The following EPG5 variants were observed in gnomAD, a reference collection of about 807,000 sequenced individuals.
EPG5 encodes ectopic P granules protein 5 homolog.
A neutral mutation model predicts 302.7 loss-of-function variants in EPG5; 159 were observed. That is an observed-to-expected ratio of 0.53 (90% CI 0.46 to 0.60). The LOEUF is 0.60. EPG5 is among the 20% of genes least tolerant of loss of function. The pLI is 0.00. For synonymous variants in EPG5, 1,158 were observed against 1,136.8 expected, an observed-to-expected ratio of 1.02 and a Z score of -0.37; for missense variants, 2,896 against 3,092.4, an observed-to-expected ratio of 0.94 and a Z score of 1.51.
At chr18:45,802,240 G>A in the EPG5 span, among the ~76,000 whole-genome samples, 19 of 152,180 alleles carry the variant, frequency 1.2e-4, no homozygotes, top group Non-Finnish European at 2.6e-4. Context: ...TCTGGTTCAG[G>A]CTAGGCATGG....
intron 14 of EPG5, among the ~76,000 whole-genome samples, chr18:45,924,540 GCCA>G (rs1318467159): frequency 6.6e-6 from 1 of 152,240 alleles, no homozygotes; most frequent in African/African-American, 2.4e-5. Flanking sequence ...GGCTGAGTTT[GCCA>G]CCATTTTCCC....
At chr18:45,932,141 G>GA (rs896384676) in intron 11 of EPG5, among the ~76,000 whole-genome samples, 1 of 150,330 alleles carries the variant, frequency 6.7e-6, no homozygotes, top group Admixed American at 6.6e-5. Context: ...TATTTAAAAA[G>GA]AAAAAAAAGA....
In EPG5 at chr18:45,887,793, T is replaced by C. The variant is rs753267862; in HGVS notation, c.5067A>G (p.Pro1689=). The C allele has an allele frequency of 3.1e-6, 5 of 1,597,780 alleles. No individual in the cohort carries two copies. The highest frequency in any genetic ancestry group is 1.1e-5 in the South Asian group (1 of 89,762). Residue 1689 remains proline, a synonymous_variant, in exon 29 of 44, where the codon CCA becomes CCG. Coordinates refer to ENST00000282041, the MANE Select transcript of EPG5 (RefSeq NM_020964.3). ...TACATGAAGTAAAGAACTGCCTTGTTGGGGGATGACGCTGCGTCTCATCGC... is the reference window on the plus strand; with the variant it reads ...TACATGAAGTAAAGAACTGCCTTGTCGGGGGATGACGCTGCGTCTCATCGC... ...YVSDETQRHP[P]TRQFFTSCIE... is the part of the protein sequence containing the mutation.
At chr18:45,895,727 T>C (rs994109970) in intron 27 of EPG5, among the ~76,000 whole-genome samples, 4 of 152,196 alleles carry the variant, frequency 2.6e-5, no homozygotes, top group African/African-American at 9.6e-5. Flanking sequence ...AACATAGCCA[T>C]GAGGTGGTCA....
chr18:45,858,188 T>G, intron 41 of EPG5, 120 bp from the exon 42 acceptor site: 1 of 738,510 alleles, frequency 1.4e-6, no homozygotes, highest in Admixed American at 2.5e-5. Context: ...AAGCACAGGC[T>G]AACGGCTGAT....
chr18:45,926,455 C>T (rs925053251), intron 13 of EPG5, among the ~76,000 whole-genome samples: 2 of 152,082 alleles, frequency 1.3e-5, no homozygotes, highest in Non-Finnish European at 1.5e-5. Flanking sequence ...AAATAATCCA[C>T]AATAAAAAAT....
intron 43 of EPG5, 161 bp downstream of exon 43, chr18:45,855,412 C>T (rs1285189485): frequency 1.3e-5 from 7 of 556,056 alleles, no homozygotes; most frequent in Non-Finnish European, 2.2e-5. Context: ...TGGAGGTTGG[C>T]ACATGAAACC....
Position 45,907,937 on chromosome 18 carries a change from AAAG to A in EPG5, c.4329+18_4329+20del. 1 of 1,543,670 alleles carries A rather than the reference AAAG, an allele frequency of 6.5e-7. No individual in the cohort carries two copies. The highest frequency in any genetic ancestry group is 8.6e-7 in the Non-Finnish European group (1 of 1,157,784). The stretch of plus-strand genomic sequence containing the variant: ...AGATATGCTAAAAAAAAAAAAAAAA[AAAG>A]GAGGGCTATAATTTCACCTGCTGAT... On this transcript the variant is annotated intron_variant, in intron 24 of 43. Coordinates refer to ENST00000282041, the MANE Select transcript of EPG5 (RefSeq NM_020964.3).
Position 45,851,976 on chromosome 18 carries a change from G to GT in EPG5, c.*490dup, listed in dbSNP as rs2145143035. ...AGAAAAACAATACTTTAAAACTATT[G>GT]TATTTGTCCACATTTGAGAAATGCA... On this transcript the variant is annotated 3_prime_UTR_variant, in exon 44 of 44. Coordinates refer to ENST00000282041, the MANE Select transcript of EPG5 (RefSeq NM_020964.3). The GT allele has an allele frequency of 6.6e-6, 1 of 152,604 alleles. No individual in the cohort carries two copies. The highest frequency in any genetic ancestry group is 1.9e-4 in the East Asian group (1 of 5,196). 9.5% of individuals were successfully genotyped at this position (152,604 alleles called of 1,614,324 possible). A position where few individuals can be genotyped will look rare whatever the true frequency, so the allele number is the denominator to read the frequency against.
chr18:45,936,507 C>A (rs58306126), intron 10 of EPG5, among the ~76,000 whole-genome samples: 24,104 of 152,008 alleles, frequency 0.16, 2,771 homozygotes, highest in East Asian at 0.29. Context: ...GCGGGCAAAT[C>A]ACTTGAGGTC....
chr18:45,919,703 G>T (rs1274165037), intron 16 of EPG5, among the ~76,000 whole-genome samples: 1 of 151,854 alleles, frequency 6.6e-6, no homozygotes, highest in East Asian at 1.9e-4. Context: ...TAGTAGAGAC[G>T]GGGTTTCACC....
chr18:45,940,464 G>A lies in EPG5; in HGVS notation c.1944-709C>T, dbSNP rs772917470. On this transcript the variant is annotated intron_variant, in intron 9 of 43. Transcript: ENST00000282041. ...ACTGAGGTGGGGAAAGGGCAGAAGCGGGTGGTGGGCAAAGTCAGAAGCAGG... is the reference window on the plus strand; with the variant it reads ...ACTGAGGTGGGGAAAGGGCAGAAGCAGGTGGTGGGCAAAGTCAGAAGCAGG... 3.3e-5 allele frequency among the ~76,000 whole-genome samples: 5 copies of A among 151,890 alleles called. No individual in the cohort carries two copies. In the East Asian group the frequency reaches 5.8e-4, roughly 18 times the overall value.
intron 24 of EPG5, 96 bp downstream of exon 24, chr18:45,907,862 C>T: frequency 1.6e-6 from 2 of 1,228,424 alleles, no homozygotes; most frequent in South Asian, 3.4e-5. Flanking sequence ...TACCCATTTT[C>T]TTATCAATAA....
At chr18:45,947,637 A>G (rs888717631) in intron 6 of EPG5, among the ~76,000 whole-genome samples, 1 of 152,154 alleles carries the variant, frequency 6.6e-6, no homozygotes, top group Non-Finnish European at 1.5e-5. Context: ...CAGCTCCCGC[A>G]CACACCTTTG....
At position 45,910,540 on chromosome 18, in the gene EPG5, G is replaced by A. The variant is rs2049867434; in HGVS notation, c.4186C>T (p.Leu1396=). 1.9e-6 allele frequency: 3 copies of A among 1,611,686 alleles called. No individual in the cohort carries two copies. The highest frequency in any genetic ancestry group is 3.3e-5 in the Admixed American group (2 of 59,740). Residue 1396 remains leucine (L), a synonymous_variant, in exon 23 of 44, where the codon CTG becomes TTG. Transcript: ENST00000282041. ...ACTCACCTCACCAGCTCCTTGTGCA[G>A]TTCTGGTGAAGTCAGGTAACCAGGG... ...GTPGYLTSPE[L]HKELVRLFNV...
intron 23 of EPG5, among the ~76,000 whole-genome samples, chr18:45,909,354 C>T (rs1405536627): frequency 6.6e-6 from 1 of 152,126 alleles, no homozygotes; most frequent in African/African-American, 2.4e-5. Context: ...AGAAAGCCGT[C>T]CACTGGTTAA....
chr18:45,861,213 AC>A (rs1464120140), intron 39 of EPG5, among the ~76,000 whole-genome samples: 1 of 152,196 alleles, frequency 6.6e-6, no homozygotes, highest in East Asian at 1.9e-4. Context: ...TTTCTGTACG[AC>A]CTACTTACTA....
chr18:45,947,283 C>T lies in EPG5; in HGVS notation c.1572-515G>A, dbSNP rs2050803373. On this transcript the variant is annotated intron_variant, in intron 6 of 43. Coordinates refer to ENST00000282041, the MANE Select transcript of EPG5 (RefSeq NM_020964.3). ...CAAAAATTAGTTGGGTGTGGTGGCA[C>T]ATGCCTGCAGTCCCAGCTACTCAGG... Among the ~76,000 whole-genome samples the T allele has an allele frequency of 2.6e-5, 4 of 151,976 alleles. No individual in the cohort carries two copies. In the South Asian group the frequency reaches 8.3e-4, roughly 32 times the overall value.
intron 1 of EPG5, among the ~76,000 whole-genome samples, chr18:45,958,739 G>A (rs2051084657): frequency 1.3e-5 from 2 of 152,072 alleles, no homozygotes; most frequent in South Asian, 4.1e-4. Context: ...TATAAACTTG[G>A]GTAGGCAAAG....
Sources: allele counts gnomAD v4.1 joint callset (sites outside exome capture counted in the v4.1 genomes callset), GRCh38; gene constraint gnomAD v4.1.1; transcripts MANE v1.5; gene names NCBI Gene and HGNC (gene_info 2026-07-23, HGNC 2026-07-21).